NOX5: variants seen among roughly 807,000 people sequenced by gnomAD.
The protein encoded by NOX5 is NADPH oxidase, EF-hand calcium binding domain 5.
NOX5 carries 76 observed loss-of-function variants against 85.7 expected under a neutral mutation model. That is an observed-to-expected ratio of 0.89 (90% confidence interval 0.74 to 1.07). The LOEUF is 1.07. NOX5 is among the 50% of genes least tolerant of loss of function. NOX5 has a pLI of 0.00. For missense variants in NOX5, 973 were observed against 999.5 expected (o/e 0.97, Z 0.36); for synonymous variants, 405 against 401.4 (o/e 1.01, Z -0.11).
chr15:69,031,257 T>A, intron 3 of NOX5: 1 of 528,670 alleles, frequency 1.9e-6, no homozygotes, highest in Non-Finnish European at 3.3e-6. Context: ...TAAGCAGGTG[T>A]ATTTTCTGGG....
chr15:69,028,494 TC>T, intron 3 of NOX5, 129 bp downstream of exon 3: 1 of 823,318 alleles, frequency 1.2e-6, no homozygotes, highest in Non-Finnish European at 1.8e-6. Context: ...GACTGGTTTC[TC>T]CAGGTGAGGC....
chr15:69,031,726 C>G lies in NOX5; in HGVS notation c.534C>G (p.Asp178Glu). ...QLTLALFESA[D>E]ADGNGAITFE... is the part of the protein sequence containing the mutation. ...CGCTGGCGCTCTTCGAATCGGCCGA[C>G]GCGGACGGCAACGGGGCCATCACCT... Residue 178 changes from aspartate to glutamate, a missense_variant, in exon 4 of 16, where the codon GAC (aspartate) becomes GAG (glutamate). Transcript: ENST00000388866. The G allele has an allele frequency of 6.2e-7, 1 of 1,612,956 alleles. No homozygotes were observed. Among genetic ancestry groups the G allele is most frequent in the Non-Finnish European group, 8.5e-7 (1 of 1,179,710 alleles).
rs7167318 is a variant in NOX5, at chr15:69,047,843, A to G, written c.1831A>G (p.Lys611Glu). ...GCCTCCCCTCAGGCACCAGAAAAGA[A>G]AGCATACTTGCCCCAGCTGCCAGCA... ...QSIMYRHQKR[K>E]HTCPSCQHSW... The change falls in exon 13 of 16, where the codon AAG (lysine) becomes GAG (glutamate). Residue 611 changes from lysine (K) to glutamate (E), a missense_variant. Physicochemically the swap from Lys to Glu is moderately conservative, Grantham distance 56. Coordinates refer to ENST00000388866, the MANE Select transcript of NOX5 (RefSeq NM_024505.4). 3.1e-4 allele frequency: 506 copies of G among 1,614,090 alleles called. 2 individuals carry two copies. In the African/African-American group the frequency reaches 5.7e-3, roughly 18 times the overall value.
chr15:69,037,493 G>A, intron 8 of NOX5: 1 of 403,670 alleles, frequency 2.5e-6, no homozygotes, highest in Non-Finnish European at 4.5e-6. Context: ...GTGCCTACAG[G>A]GTGCCAGGCC....
chr15:69,045,688 T>C (rs1438161014), intron 10 of NOX5, among the ~76,000 whole-genome samples: 1 of 151,640 alleles, frequency 6.6e-6, no homozygotes, highest in Admixed American at 6.6e-5. Context: ...TCTTTCTTTC[T>C]TTTCTTTCTT....
At chr15:69,015,848 C>A (rs187208767) in intron 1 of NOX5, among the ~76,000 whole-genome samples, 15 of 145,516 alleles carry the variant, frequency 1.0e-4, no homozygotes, top group Non-Finnish European at 1.6e-4. Flanking sequence ...GAGAAGCAGG[C>A]ACTCGAAGCT....
intron 8 of NOX5, chr15:69,038,121 TTA>T (rs1595780907): frequency 6.6e-6 from 1 of 152,386 alleles, no homozygotes; most frequent in East Asian, 1.9e-4. Flanking sequence ...AAGCAACTGG[TTA>T]TGTTTTGCGG....
Position 69,031,514 on chromosome 15 carries a change from G to A in NOX5, c.326-4G>A. The A allele has an allele frequency of 6.2e-7, 1 of 1,600,298 alleles. No homozygotes were observed. The highest frequency in any genetic ancestry group is 8.5e-7 in the Non-Finnish European group (1 of 1,172,822). ...AAACAGAAGAGGCCCACCACTTCTT[G>A]CAGTGTGTGCACGGCAGGGGGCGTC... On this transcript the variant is annotated splice_polypyrimidine_tract_variant and splice_region_variant and intron_variant, in intron 3 of 15. Transcript: ENST00000388866.
At chr15:69,022,909 A>T (rs1457961105) in intron 1 of NOX5, 2 of 466,832 alleles carry the variant, frequency 4.3e-6, no homozygotes, top group Non-Finnish European at 8.6e-6. Context: ...CCTGAAAAGG[A>T]TGTCTAAGTA....
rs1185777092 is a variant in NOX5 at position 69,061,974 on chromosome 15, G to T, written c.*5278G>T. On this transcript the variant is annotated 3_prime_UTR_variant, in exon 16 of 16. Transcript: ENST00000388866. ...TTAAATAACCCTAAAGAATGTTCAA[G>T]AACAGTGAATGATTTGTCTCTGTGT... 1 of 152,122 alleles carries T rather than the reference G, an allele frequency of 6.6e-6. No homozygotes were observed. Among genetic ancestry groups the T allele is most frequent in the East Asian group, 1.9e-4 (1 of 5,174 alleles). 9.4% of individuals were successfully genotyped at this position (152,122 alleles called of 1,614,324 possible). A position where few individuals can be genotyped will look rare whatever the true frequency, so the allele number is the denominator to read the frequency against.
At chr15:69,020,256 T>G (rs548450212) in intron 1 of NOX5, among the ~76,000 whole-genome samples, 1 of 152,344 alleles carries the variant, frequency 6.6e-6, no homozygotes, top group Non-Finnish European at 1.5e-5. Flanking sequence ...GCCTATTGCC[T>G]TTTGAATTTG....
chr15:69,035,816 G>A lies in NOX5; in HGVS notation c.1068G>A (p.Thr356=), dbSNP rs539277833. ...AGTTCTGGGAGCTGCTGCTCACCACGAGGCCTGGCATTGGCTGGGTACACG... is the reference window on the plus strand; with the variant it reads ...AGTTCTGGGAGCTGCTGCTCACCACAAGGCCTGGCATTGGCTGGGTACACG... The part of the protein sequence containing the change: ...PFQFWELLLT[T]RPGIGWVHGS... The change falls in exon 7 of 16, where the codon ACG becomes ACA. Residue 356 remains threonine, a synonymous_variant. Transcript: ENST00000388866. The A allele has an allele frequency of 1.4e-5, 23 of 1,614,170 alleles. No individual in the cohort carries two copies. The highest frequency in any genetic ancestry group is 1.6e-4 in the Middle Eastern group (1 of 6,062).
At position 69,061,383 on chromosome 15, in the gene NOX5, G is replaced by A. The variant is rs552325834; in HGVS notation, c.*4687G>A. 6.6e-6 allele frequency: 1 copy of A among 152,338 alleles called. No homozygotes were observed. 9.4% of individuals were successfully genotyped at this position (152,338 alleles called of 1,614,324 possible). On this transcript the variant is annotated 3_prime_UTR_variant, in exon 16 of 16. Transcript: ENST00000388866. ...GTCTAGGCCCAAAACTAGTCCAGAA[G>A]GACTGTGGAGGCCGTGGGCATACAC...
intron 1 of NOX5, among the ~76,000 whole-genome samples, chr15:69,020,054 A>G (rs1309592990): frequency 6.6e-6 from 1 of 152,100 alleles, no homozygotes; most frequent in Non-Finnish European, 1.5e-5. Flanking sequence ...GCTACTTTCC[A>G]TTGCTGGTTT....
rs139834712 is a variant in NOX5, at chr15:69,035,815, C to G, written c.1067C>G (p.Thr356Arg). ...PFQFWELLLT[T>R]RPGIGWVHGS... ...CAGTTCTGGGAGCTGCTGCTCACCA[C>G]GAGGCCTGGCATTGGCTGGGTACAC... Residue 356 changes from threonine (T) to arginine (R), a missense_variant, in exon 7 of 16, where the codon ACG becomes AGG. Transcript: ENST00000388866. The G allele has an allele frequency of 5.0e-6, 8 of 1,614,078 alleles. No individual in the cohort carries two copies. In the South Asian group the frequency reaches 6.6e-5, roughly 13 times the overall value.
In NOX5 at chr15:69,026,618, GC is replaced by G. The variant is rs767491406; in HGVS notation, c.142del (p.Gln48LysfsTer9). 6.2e-7 allele frequency: 1 copy of G among 1,614,204 alleles called. No individual in the cohort carries two copies. The highest frequency in any genetic ancestry group is 8.5e-7 in the Non-Finnish European group (1 of 1,180,026). ...CAGGAGAAGATGGGGAGATCAGCCT[GC>G]AAGAATTCAAAGCAGCTCTGCATGT... ...IAGEDGEISL[Q>X]EFKAALHVKE... On this transcript the variant is annotated frameshift_variant, in exon 2 of 16. Coordinates refer to ENST00000388866, the MANE Select transcript of NOX5 (RefSeq NM_024505.4). LOFTEE classifies it high-confidence loss of function.
At position 69,047,003 on chromosome 15, in the gene NOX5, A is replaced by G. The variant is rs146681901; in HGVS notation, c.1692+137A>G. 4.5e-5 allele frequency: 38 copies of G among 846,944 alleles called. No individual in the cohort carries two copies. The East Asian group carries it at 9.1e-4, about 20-fold the overall frequency. 52.5% of individuals were successfully genotyped at this position (846,944 alleles called of 1,614,324 possible). ...AATCCTCATGGGCTGACATCCAGGT[A>G]TCCGGGTCATGTAACCACATCCCTC... On this transcript the variant is annotated intron_variant, in intron 11 of 15. Transcript: ENST00000388866.
chr15:69,047,298 A>G, intron 11 of NOX5, 115 bp from the exon 12 acceptor site: 1 of 1,378,352 alleles, frequency 7.3e-7, no homozygotes, highest in Admixed American at 2.6e-5. Context: ...CTTCCAGCCC[A>G]GGAGATGTCT....
Position 69,035,750 on chromosome 15 carries a change from G to T in NOX5, c.1010-8G>T, listed in dbSNP as rs2050506804. The T allele has an allele frequency of 6.2e-7, 1 of 1,612,764 alleles. No homozygotes were observed. The highest frequency in any genetic ancestry group is 1.3e-5 in the African/African-American group (1 of 74,912). On this transcript the variant is annotated splice_polypyrimidine_tract_variant and splice_region_variant and intron_variant, in intron 6 of 15. Transcript: ENST00000388866. ...GCAGTCACTCAACCTTTCTGAGCTTGTTTCCAGTACTCCAGGCTCAGGCGG... is the reference window on the plus strand; with the variant it reads ...GCAGTCACTCAACCTTTCTGAGCTTTTTTCCAGTACTCCAGGCTCAGGCGG...
Sources: allele counts gnomAD v4.1 joint callset (sites outside exome capture counted in the v4.1 genomes callset), GRCh38; gene constraint gnomAD v4.1.1; transcripts MANE v1.5; gene names NCBI Gene and HGNC (gene_info 2026-07-23, HGNC 2026-07-21).